The following GRIK2 variants were observed in gnomAD, a reference collection of about 807,000 sequenced individuals.
GRIK2 encodes glutamate ionotropic receptor kainate type subunit 2, also known as glutamate receptor ionotropic, kainate 2.
Under a neutral mutation model 100.3 loss-of-function variants are expected in GRIK2, and 32 were observed. The observed-to-expected ratio is 0.32, with a 90% CI of 0.24 to 0.43. The LOEUF (loss-of-function observed/expected upper bound fraction) is 0.43. Among genes scored for constraint, GRIK2 ranks in the 20% least tolerant of loss-of-function variants. The pLI, the probability that GRIK2 is intolerant of heterozygous loss-of-function variation, is 1.00. For synonymous variants in GRIK2, 417 were observed against 389.4 expected (o/e 1.07, Z -0.83); for missense variants, 843 against 1,114.9 (o/e 0.76, Z 3.47).
chr6:101,553,656 A>G (rs1351868668), intron 2 of GRIK2, among the ~76,000 whole-genome samples: 1 of 152,196 alleles, frequency 6.6e-6, no homozygotes, highest in Non-Finnish European at 1.5e-5. Flanking sequence ...TAATAAGGCC[A>G]AGGTCAAAGT....
At chr6:101,560,983 C>G (rs540874687) in intron 2 of GRIK2, among the ~76,000 whole-genome samples, 1 of 152,266 alleles carries the variant, frequency 6.6e-6, no homozygotes, top group African/African-American at 2.4e-5. Context: ...CTTGGTTATA[C>G]ATGCCTTTAT....
intron 7 of GRIK2, among the ~76,000 whole-genome samples, chr6:101,780,462 T>C (rs1332392450): frequency 6.6e-6 from 1 of 152,184 alleles, no homozygotes; most frequent in Non-Finnish European, 1.5e-5. Context: ...AAAATGTTTG[T>C]AGTAATATCA....
At chr6:101,587,418 ATTCATCCATCCATCCT>A (rs1190204157) in intron 2 of GRIK2, among the ~76,000 whole-genome samples, 2 of 152,076 alleles carry the variant, frequency 1.3e-5, no homozygotes, top group Non-Finnish European at 2.9e-5. Context: ...CCATCCATCC[ATTCATCCATCCATCCT>A]TCCTACCTAC....
At chr6:101,399,907 C>G (rs1414357591) in intron 2 of GRIK2, among the ~76,000 whole-genome samples, 7 of 152,198 alleles carry the variant, frequency 4.6e-5, no homozygotes, top group Non-Finnish European at 1.0e-4. Flanking sequence ...TTCCAGAGAG[C>G]CTTTTCGATT....
intron 4 of GRIK2, among the ~76,000 whole-genome samples, chr6:101,641,873 T>C (rs1318990966): frequency 6.6e-6 from 1 of 151,904 alleles, no homozygotes; most frequent in African/African-American, 2.4e-5. Context: ...TTCTTGAAAA[T>C]GACTTTTTTC....
At chr6:101,977,655 C>T (rs1793474147) in intron 14 of GRIK2, among the ~76,000 whole-genome samples, 1 of 151,892 alleles carries the variant, frequency 6.6e-6, no homozygotes, top group South Asian at 2.1e-4. Flanking sequence ...CCATTGTGGA[C>T]CCCAAGGTGC....
At chr6:101,698,648 T>A (rs1486511443) in intron 7 of GRIK2, among the ~76,000 whole-genome samples, 2 of 152,086 alleles carry the variant, frequency 1.3e-5, no homozygotes, top group Non-Finnish European at 1.5e-5. Flanking sequence ...AAATATTTAC[T>A]GAACATCTAC....
At chr6:102,065,015 T>G (rs567062016) in intron 16 of GRIK2, among the ~76,000 whole-genome samples, 155 of 151,366 alleles carry the variant, frequency 1.0e-3, no homozygotes, top group Non-Finnish European at 1.8e-3. Flanking sequence ...TCATGTAAAC[T>G]TACATTGATA....
intron 14 of GRIK2, among the ~76,000 whole-genome samples, chr6:101,944,016 T>TGATTGGCTCATGAGGGCGGTTTTTAATG (rs1791119590): frequency 6.6e-6 from 1 of 152,026 alleles, no homozygotes; most frequent in Non-Finnish European, 1.5e-5. Context: ...TGGCAGGAGG[T>TGATTGGCTCATGAGGGCGGTTTTTAATG]GATTGGCTCA....
intron 11 of GRIK2, among the ~76,000 whole-genome samples, chr6:101,870,405 C>G (rs2128447947): frequency 6.6e-6 from 1 of 151,890 alleles, no homozygotes; most frequent in South Asian, 2.1e-4. Flanking sequence ...TACTTATAAT[C>G]AGGAATATGC....
intron 2 of GRIK2, among the ~76,000 whole-genome samples, chr6:101,576,386 AGG>A (rs1777790095): frequency 6.6e-6 from 1 of 152,058 alleles, no homozygotes. Flanking sequence ...GATGTTTATG[AGG>A]TGATAATTGT....
chr6:101,506,576 A>G (rs559306736), intron 2 of GRIK2, among the ~76,000 whole-genome samples: 1 of 152,246 alleles, frequency 6.6e-6, no homozygotes, highest in East Asian at 1.9e-4. Context: ...TTCCATGAAA[A>G]TGAAATTAAA....
intron 10 of GRIK2, among the ~76,000 whole-genome samples, chr6:101,837,264 A>G (rs568147056): frequency 2.0e-5 from 3 of 152,236 alleles, no homozygotes; most frequent in Admixed American, 1.3e-4. Flanking sequence ...TCCCTACATG[A>G]TTCTACTGAT....
chr6:101,658,327 G>T (rs185801371), intron 4 of GRIK2, among the ~76,000 whole-genome samples: 40 of 152,248 alleles, frequency 2.6e-4, no homozygotes, highest in African/African-American at 8.9e-4. Flanking sequence ...TCTTGTGTTA[G>T]TTTGCTGAGA....
intron 5 of GRIK2, among the ~76,000 whole-genome samples, chr6:101,681,350 C>A (rs1377709143): frequency 6.6e-6 from 1 of 151,298 alleles, no homozygotes; most frequent in Non-Finnish European, 1.5e-5. Flanking sequence ...CTCAGCTTCT[C>A]GAGTAGTTGG....
At chr6:101,492,471 A>AT (rs869081384) in intron 2 of GRIK2, among the ~76,000 whole-genome samples, 1 of 151,816 alleles carries the variant, frequency 6.6e-6, no homozygotes, top group Non-Finnish European at 1.5e-5. Flanking sequence ...CTATGGACTC[A>AT]TTTTTTTAAA....
At chr6:101,559,786 A>C (rs1435828431) in intron 2 of GRIK2, among the ~76,000 whole-genome samples, 1 of 152,024 alleles carries the variant, frequency 6.6e-6, no homozygotes, top group African/African-American at 2.4e-5. Context: ...ACACACCCCC[A>C]CACATCCATA....
chr6:101,569,411 A>G (rs1164563220), intron 2 of GRIK2, among the ~76,000 whole-genome samples: 1 of 151,840 alleles, frequency 6.6e-6, no homozygotes, highest in Non-Finnish European at 1.5e-5. Context: ...TACATTCCCA[A>G]TAGAAGTTCT....
At chr6:102,037,979 A>G (rs1312140549) in intron 15 of GRIK2, among the ~76,000 whole-genome samples, 1 of 151,508 alleles carries the variant, frequency 6.6e-6, no homozygotes, top group East Asian at 1.9e-4. Context: ...TGCTATGAAT[A>G]TCATCATGCA....
Sources: allele counts gnomAD v4.1 joint callset (sites outside exome capture counted in the v4.1 genomes callset), GRCh38; gene constraint gnomAD v4.1.1; transcripts MANE v1.5; gene names NCBI Gene and HGNC (gene_info 2026-07-23, HGNC 2026-07-21).